The following OVCH1 variants were observed in gnomAD, a reference collection of about 807,000 sequenced individuals.
OVCH1 encodes the protein ovochymase 1, also known as ovochymase-1.
Under a neutral mutation model 138.4 loss-of-function variants are expected in OVCH1, and 139 were observed. The observed-to-expected ratio is 1.00, with a 90% CI of 0.87 to 1.16. The LOEUF (loss-of-function observed/expected upper bound fraction) is 1.16. OVCH1 is among the 50% of genes most tolerant of loss of function. OVCH1 has a pLI of 0.00. For synonymous variants in OVCH1, 453 were observed against 467.8 expected (o/e 0.97, Z 0.41); for missense variants, 1,367 against 1,357.9 (o/e 1.01, Z -0.11).
At chr12:29,410,860 G>C (rs187001266), downstream of OVCH1, among the ~76,000 whole-genome samples, 4,495 of 151,522 alleles carry the variant, frequency 0.03, 178 homozygotes, top group African/African-American at 0.091. Flanking sequence ...GTTGGCCTGC[G>C]TTGCTAGATT....
At chr12:29,423,494 G>C (rs1274326211), downstream of OVCH1, among the ~76,000 whole-genome samples, 1 of 152,130 alleles carries the variant, frequency 6.6e-6, no homozygotes, top group Admixed American at 6.5e-5. Flanking sequence ...GCTTTTAAAA[G>C]ATCAAAGGGA....
In OVCH1 at chr12:29,486,429, G is replaced by T. The variant is rs990635618; in HGVS notation, c.893-81C>A. 4.6e-6 allele frequency: 5 copies of T among 1,095,150 alleles called. No individual in the cohort carries two copies. The Admixed American group carries it at 9.8e-5, about 21-fold the overall frequency. The allele number at this position is 1,095,150 out of a possible 1,614,324, so 67.8% of individuals were successfully genotyped here. On this transcript the variant is annotated intron_variant, in intron 7 of 27. Transcript: ENST00000318184. ...CATTTTTAACAATGTGAAGTTAAAA[G>T]AATATGAAGAATTATAACTTCTACT...
At chr12:29,451,600 C>G in intron 21 of OVCH1, 31 bp from the exon 22 acceptor site, 1 of 1,542,196 alleles carries the variant, frequency 6.5e-7, no homozygotes, top group Non-Finnish European at 8.8e-7. Flanking sequence ...ACACCAGGGA[C>G]CAACATAAAT....
intron 8 of OVCH1, among the ~76,000 whole-genome samples, 173 bp downstream of exon 8, chr12:29,486,077 G>A (rs1447080919): frequency 2.0e-5 from 3 of 152,110 alleles, no homozygotes; most frequent in African/African-American, 7.2e-5. Flanking sequence ...TTAGATGCCA[G>A]GGTCAGGTTT....
intron 14 of OVCH1, among the ~76,000 whole-genome samples, chr12:29,473,969 CA>C (rs1440779704): frequency 6.6e-6 from 1 of 151,966 alleles, no homozygotes; most frequent in Non-Finnish European, 1.5e-5. Flanking sequence ...CCAAGTTCTT[CA>C]GTTTTGGGAC....
intron 27 of OVCH1, among the ~76,000 whole-genome samples, chr12:29,431,240 C>T (rs537457365): frequency 6.6e-6 from 1 of 152,020 alleles, no homozygotes; most frequent in East Asian, 1.9e-4. Context: ...AGGTTGAGAC[C>T]AACCTGGGTA....
Position 29,451,639 on chromosome 12 carries a change from A to G in OVCH1, c.2531-70T>C. On this transcript the variant is annotated intron_variant, in intron 21 of 27. Coordinates refer to ENST00000318184, the Ensembl canonical transcript of OVCH1. ...GCAAAGAAAAACCAGATTCTATCAC[A>G]AGACTGAAAAATCTAGGCTTGCAAG... 3 of 1,223,188 alleles carry G rather than the reference A, an allele frequency of 2.5e-6. No homozygotes were observed. The East Asian group carries it at 7.6e-5, about 31-fold the overall frequency. The allele number at this position is 1,223,188 out of a possible 1,614,324, so 75.8% of individuals were successfully genotyped here.
rs1175102788 is a variant in OVCH1 at position 29,443,921 on chromosome 12, A to G, written c.3017+224T>C. 2.0e-5 allele frequency among the ~76,000 whole-genome samples: 3 copies of G among 152,134 alleles called. 1 individual carries two copies. The highest frequency in any genetic ancestry group is 1.3e-4 in the Admixed American group (2 of 15,246). On this transcript the variant is annotated intron_variant, in intron 24 of 27. Coordinates refer to ENST00000318184, the Ensembl canonical transcript of OVCH1. ...AGATTTGACTTTTCACTTTGCTAAT[A>G]CATGGTCTATTTTGTTGAGAAAGTA...
chr12:29,461,701 A>G (rs1447601879), intron 19 of OVCH1, 153 bp downstream of exon 19: 5 of 962,206 alleles, frequency 5.2e-6, no homozygotes, highest in South Asian at 4.2e-5. Flanking sequence ...TAATTAACTT[A>G]TTACTTCTGT....
chr12:29,493,418 AATCT>A (rs1943325545), intron 4 of OVCH1, among the ~76,000 whole-genome samples: 1 of 152,114 alleles, frequency 6.6e-6, no homozygotes, highest in Non-Finnish European at 1.5e-5. Context: ...AAGCTTTTTA[AATCT>A]AAAGATTTGG....
intron 4 of OVCH1, among the ~76,000 whole-genome samples, chr12:29,494,752 AGCTAAAAT>A (rs1227781456): frequency 6.6e-6 from 1 of 152,146 alleles, no homozygotes; most frequent in African/African-American, 2.4e-5. Context: ...CTCATGTGTG[AGCTAAAAT>A]GCTGAATCTC....
At chr12:29,473,601 A>G (rs1328266132) in intron 14 of OVCH1, among the ~76,000 whole-genome samples, 1 of 152,084 alleles carries the variant, frequency 6.6e-6, no homozygotes, top group Non-Finnish European at 1.5e-5. Context: ...TTAAGAGTCA[A>G]TACAGTCTTG....
At chr12:29,485,546 G>A (rs906413682) in intron 8 of OVCH1, among the ~76,000 whole-genome samples, 15 of 151,830 alleles carry the variant, frequency 9.9e-5, no homozygotes, top group South Asian at 2.1e-4. Context: ...AGGCCGAGGC[G>A]GGCGGATTAC....
downstream of OVCH1, among the ~76,000 whole-genome samples, chr12:29,410,696 G>T (rs1308836388): frequency 6.6e-6 from 1 of 151,744 alleles, no homozygotes; most frequent in Non-Finnish European, 1.5e-5. Flanking sequence ...AGTCTGATGG[G>T]CTTCCCTTTG....
chr12:29,455,403 T>G, exon 20 of OVCH1: 1 of 1,592,798 alleles, frequency 6.3e-7, no homozygotes, highest in African/African-American at 1.4e-5. Flanking sequence ...CACCAGAGTC[T>G]CCCTGAAACA....
At chr12:29,490,395 A>G (rs1225361637) in intron 5 of OVCH1, among the ~76,000 whole-genome samples, 1 of 152,190 alleles carries the variant, frequency 6.6e-6, no homozygotes, top group Admixed American at 6.5e-5. Context: ...TTATTTATAA[A>G]ATAAAAAATC....
chr12:29,411,904 C>G (rs867554746), downstream of OVCH1, among the ~76,000 whole-genome samples: 1 of 149,416 alleles, frequency 6.7e-6, no homozygotes, highest in Admixed American at 6.7e-5. Context: ...GCCCTGCCCC[C>G]AGAGGTGGAG....
chr12:29,496,715 A>G, intron 1 of OVCH1, 41 bp from the exon 2 acceptor site: 1 of 1,428,616 alleles, frequency 7.0e-7, no homozygotes, highest in Non-Finnish European at 9.7e-7. Context: ...ACAGAGCCTT[A>G]TGTAAGAGTT....
intron 3 of OVCH1, among the ~76,000 whole-genome samples, chr12:29,418,562 G>A (rs867047549): frequency 6.6e-6 from 1 of 152,184 alleles, no homozygotes; most frequent in African/African-American, 2.4e-5. Flanking sequence ...ATATTAAGCT[G>A]TATGGCAAAG....
Sources: allele counts gnomAD v4.1 joint callset (sites outside exome capture counted in the v4.1 genomes callset), GRCh38; gene constraint gnomAD v4.1.1; transcripts MANE v1.5; gene names NCBI Gene and HGNC (gene_info 2026-07-23, HGNC 2026-07-21).